STS: variants seen among roughly 807,000 people sequenced by gnomAD.
The protein encoded by STS is steryl-sulfatase.
A neutral mutation model predicts 26.8 loss-of-function variants in STS; 7 were observed. That is an observed-to-expected ratio of 0.26 (90% CI 0.15 to 0.49). The LOEUF is 0.49. STS is among the 20% of genes least tolerant of loss of function. STS has a pLI of 0.98. For synonymous variants in STS, 199 were observed against 189.4 expected (o/e 1.05, Z -0.42); for missense variants, 434 against 465.6 (o/e 0.93, Z 0.63).
At chrX:7,186,025 CA>C (rs1359139651) in intron 1 of STS, among the ~76,000 whole-genome samples, 1 of 111,910 alleles carries the variant, frequency 8.9e-6, no homozygotes. Flanking sequence ...TGTGTCTTTC[CA>C]CGAGGTTGGA....
intron 8 of STS, among the ~76,000 whole-genome samples, chrX:7,305,978 G>A (rs191780124): frequency 4.5e-5 from 5 of 111,505 alleles, no homozygotes; most frequent in East Asian, 2.8e-4. Context: ...TTCTGCCTAC[G>A]TGAACCCACA....
chrX:7,162,694 C>G (rs1365825348), intron 1 of STS, among the ~76,000 whole-genome samples: 2 of 108,869 alleles, frequency 1.8e-5, no homozygotes, highest in African/African-American at 6.7e-5. Flanking sequence ...CCAAATGTCT[C>G]CTGGTAGGTA....
chrX:7,185,201 TA>T (rs1382442107), intron 1 of STS, among the ~76,000 whole-genome samples: 4 of 112,719 alleles, frequency 3.5e-5, no homozygotes, highest in African/African-American at 1.3e-4. Flanking sequence ...GCATTTTTGC[TA>T]GTTGAATGAA....
chrX:7,231,759 G>T (rs762735292), intron 2 of STS, among the ~76,000 whole-genome samples: 7 of 109,995 alleles, frequency 6.4e-5, no homozygotes, highest in Admixed American at 1.9e-4. Flanking sequence ...TTGTCTCTTT[G>T]CAGTCAGCTC....
intron 10 of STS, among the ~76,000 whole-genome samples, chrX:7,344,274 A>C (rs984571452): frequency 9.0e-6 from 1 of 111,600 alleles, no homozygotes; most frequent in African/African-American, 3.3e-5. Flanking sequence ...GGGCCAGATC[A>C]TTCTCTGTGC....
intron 7 of STS, among the ~76,000 whole-genome samples, chrX:7,280,133 G>A (rs1924789543): frequency 8.9e-6 from 1 of 112,124 alleles, no homozygotes; most frequent in Non-Finnish European, 1.9e-5. Context: ...CATTAGTCAT[G>A]TTGACTGGAT....
chrX:7,194,347 T>C (rs748347211), intron 2 of STS, among the ~76,000 whole-genome samples: 1 of 111,388 alleles, frequency 9.0e-6, no homozygotes, highest in East Asian at 2.8e-4. Flanking sequence ...ATACCAGTCT[T>C]AGGTTTTACA....
At chrX:7,323,619 C>A (rs770642945) in intron 8 of STS, among the ~76,000 whole-genome samples, 16 of 111,498 alleles carry the variant, frequency 1.4e-4, no homozygotes, top group African/African-American at 4.9e-4. Context: ...TTATCCAATC[C>A]CTGTCGATGG....
chrX:7,286,589 A>G (rs1330968393), intron 7 of STS, among the ~76,000 whole-genome samples: 1 of 111,624 alleles, frequency 9.0e-6, no homozygotes, highest in South Asian at 3.7e-4. Flanking sequence ...TGAATGCAAC[A>G]TGCATAATGA....
intron 2 of STS, among the ~76,000 whole-genome samples, chrX:7,222,225 C>T (rs1197738381): frequency 8.9e-6 from 1 of 111,935 alleles, no homozygotes; most frequent in Non-Finnish European, 1.9e-5. Context: ...CTTCGTCTAT[C>T]GTACTTTGGC....
At chrX:7,331,194 G>C (rs1448532227) in intron 9 of STS, among the ~76,000 whole-genome samples, 1 of 111,566 alleles carries the variant, frequency 9.0e-6, no homozygotes, top group African/African-American at 3.3e-5. Flanking sequence ...CATTCTTGGA[G>C]GAATGACGTC....
intron 2 of STS, among the ~76,000 whole-genome samples, chrX:7,220,543 A>ATTTTTTT (rs769097559): frequency 6.2e-5 from 4 of 64,975 alleles, no homozygotes; most frequent in African/African-American, 1.9e-4. Flanking sequence ...TGGATGTCAG[A>ATTTTTTT]TTTTTTTTTT....
chrX:7,274,120 G>A (rs1326253962), intron 6 of STS, among the ~76,000 whole-genome samples: 1 of 89,163 alleles, frequency 1.1e-5, no homozygotes, highest in Non-Finnish European at 2.4e-5. Context: ...TAGAAGCTGG[G>A]CTGTGTGAGA....
At chrX:7,150,750 AAAAC>A (rs1932996274) in intron 1 of STS, among the ~76,000 whole-genome samples, 1 of 111,678 alleles carries the variant, frequency 9.0e-6, no homozygotes, top group Non-Finnish European at 1.9e-5. Context: ...TAAAAAAAAA[AAAAC>A]AAACTGAATG....
intron 2 of STS, among the ~76,000 whole-genome samples, chrX:7,235,791 CAT>C (rs1423321668): frequency 9.0e-6 from 1 of 111,584 alleles, no homozygotes; most frequent in African/African-American, 3.3e-5. Context: ...TTCTGAAAAA[CAT>C]AGGGAAATTA....
Position 7,147,950 on chromosome X carries a change from AC to A in STS, c.-265del, listed in dbSNP as rs1408050531. 1 of 650,263 alleles carries A rather than the reference AC, an allele frequency of 1.5e-6. No homozygotes were observed. Among genetic ancestry groups the A allele is most frequent in the Admixed American group, 3.2e-5 (1 of 31,235 alleles). The allele number at this position is 650,263 out of a possible 1,213,427, so 53.6% of individuals were successfully genotyped here. On this transcript the variant is annotated 5_prime_UTR_variant, in exon 1 of 11. The change abolishes the stop of an existing upstream ORF in the 5' untranslated region. Coordinates refer to ENST00000674429, the MANE Select transcript of STS (RefSeq NM_001320752.2). ...GGAGCCCGAGCGTCCCTGCATGAAC[AC>A]CGCCCCGCCGCGGCCCCCAGGCCGT...
chrX:7,275,986 A>G lies in STS; in HGVS notation c.842A>G (p.Tyr281Cys). 1 of 1,175,913 alleles carries G rather than the reference A, an allele frequency of 8.5e-7. No homozygotes were observed. ...TETPFLLVLS[Y>C]LHVHTALFSS... ...ACTCCGTTCCTGCTTGTCTTGTCCT[A>G]CCTCCACGTGCACACAGCCCTGTTC... The change falls in exon 7 of 11, where the codon TAC (tyrosine) becomes TGC (cysteine). Residue 281 changes from tyrosine (Y) to cysteine (C), a missense_variant. By Grantham distance (194) the Tyr-to-Cys change is radical. Around this residue, in one of 2 missense-constraint regions of STS, gnomAD observed 229 missense variants for 288.3 expected, o/e 0.79. Coordinates refer to ENST00000674429, the MANE Select transcript of STS (RefSeq NM_001320752.2).
chrX:7,300,826 T>C (rs1176281894), intron 7 of STS, among the ~76,000 whole-genome samples: 4 of 111,361 alleles, frequency 3.6e-5, no homozygotes, highest in Non-Finnish European at 7.5e-5. Context: ...TCATTTGAAA[T>C]ATTGGAATTT....
intron 1 of STS, among the ~76,000 whole-genome samples, chrX:7,158,384 A>G (rs1276078183): frequency 8.9e-6 from 1 of 111,937 alleles, no homozygotes; most frequent in East Asian, 2.8e-4. Flanking sequence ...TCCAGCAGAG[A>G]GGCGCCACTT....
Sources: gnomAD v4.1 joint callset for allele counts (sites outside exome capture counted in the v4.1 genomes callset) on GRCh38, gnomAD v4.1.1 for gene constraint, gnomAD v4.1.1 regional missense constraint, MANE v1.5 for transcripts, NCBI Gene and HGNC (gene_info 2026-07-23, HGNC 2026-07-21) for gene names.